EYA2: variants seen among roughly 807,000 people sequenced by gnomAD.
EYA2 encodes EYA transcriptional coactivator and phosphatase 2, also known as protein phosphatase EYA2.
EYA2 carries 31 observed loss-of-function variants against 69.2 expected under a neutral mutation model. That is an observed-to-expected ratio of 0.45 (90% CI 0.34 to 0.60). The LOEUF (loss-of-function observed/expected upper bound fraction) is 0.60, where lower values mean the gene tolerates loss of function less well. Among genes scored for constraint, EYA2 ranks in the 20% least tolerant of loss-of-function variants. The probability of loss-of-function intolerance (pLI) is 0.02; values close to 1 mark genes in which losing one functional copy is unlikely to be tolerated. For synonymous variants in EYA2, 257 were observed against 279.4 expected (o/e 0.92, Z 0.80); for missense variants, 622 against 701.2 (o/e 0.89, Z 1.28).
intron 2 of EYA2, among the ~76,000 whole-genome samples, chr20:46,990,386 G>A (rs577352060): frequency 1.6e-4 from 24 of 152,280 alleles, no homozygotes; most frequent in Admixed American, 5.9e-4. Flanking sequence ...ACACCACCAC[G>A]GATGATAGTC....
intron 2 of EYA2, among the ~76,000 whole-genome samples, chr20:46,991,988 G>C (rs1169037329): frequency 5.9e-4 from 36 of 60,876 alleles, no homozygotes; most frequent in Non-Finnish European, 8.4e-4. Context: ...AAAAAAAAAC[G>C]CTGAAAGCTT....
At chr20:46,957,529 TCACACACACACACA>T (rs74176892) in intron 1 of EYA2, among the ~76,000 whole-genome samples, 13 of 20,000 alleles carry the variant, frequency 6.5e-4, no homozygotes, top group Admixed American at 2.5e-3. Context: ...GAAGGAGATT[TCACACACACACACA>T]CACACACACA....
intron 9 of EYA2, among the ~76,000 whole-genome samples, chr20:47,099,967 A>G (rs1473148005): frequency 6.6e-6 from 1 of 151,972 alleles, no homozygotes; most frequent in Non-Finnish European, 1.5e-5. Context: ...AATCAGGGTG[A>G]TCCCCTAGAA....
Position 47,039,418 on chromosome 20 carries a change from T to C in EYA2, c.415+23121T>C, listed in dbSNP as rs918175996. Among the ~76,000 whole-genome samples the C allele has an allele frequency of 3.3e-5, 5 of 152,234 alleles. No homozygotes were observed. In the East Asian group the frequency reaches 5.8e-4, roughly 18 times the overall value. Reference sequence around the variant, plus strand: ...TGTCTATTGTCTGTGGCTACTTTCCTATCACAAAGGCAGAACTGGGTCATT... The same window carrying C: ...TGTCTATTGTCTGTGGCTACTTTCCCATCACAAAGGCAGAACTGGGTCATT... On this transcript the variant is annotated intron_variant, in intron 5 of 15. Transcript: ENST00000327619.
At chr20:46,988,989 A>G (rs1981470605) in intron 1 of EYA2, among the ~76,000 whole-genome samples, 1 of 152,022 alleles carries the variant, frequency 6.6e-6, no homozygotes, top group African/African-American at 2.4e-5. Flanking sequence ...TGAAGGTGTG[A>G]GCCACCATGC....
intron 5 of EYA2, among the ~76,000 whole-genome samples, chr20:47,039,176 A>G (rs1284975990): frequency 6.6e-6 from 1 of 152,088 alleles, no homozygotes; most frequent in Non-Finnish European, 1.5e-5. Context: ...ATTTTGACCT[A>G]GACCAGGTGT....
At chr20:46,968,548 C>T (rs1979931561) in intron 1 of EYA2, among the ~76,000 whole-genome samples, 1 of 152,182 alleles carries the variant, frequency 6.6e-6, no homozygotes, top group Admixed American at 6.5e-5. Flanking sequence ...GCTCATTCCC[C>T]TCCCCTTCAC....
At chr20:47,064,354 C>T (rs2031026594) in intron 5 of EYA2, among the ~76,000 whole-genome samples, 1 of 152,224 alleles carries the variant, frequency 6.6e-6, no homozygotes, top group African/African-American at 2.4e-5. Flanking sequence ...CATTGTATGG[C>T]TGAACCACAT....
intron 1 of EYA2, among the ~76,000 whole-genome samples, chr20:46,924,224 C>T (rs762875291): frequency 7.9e-5 from 12 of 152,070 alleles, no homozygotes; most frequent in Non-Finnish European, 1.6e-4. Context: ...TGACAGTGCA[C>T]GGTATGGGTG....
chr20:47,081,796 AGAAAG>A (rs2031730269), intron 7 of EYA2, among the ~76,000 whole-genome samples: 1 of 149,722 alleles, frequency 6.7e-6, no homozygotes, highest in Non-Finnish European at 1.5e-5. Flanking sequence ...AAAAAAAAGA[AGAAAG>A]AAAAAAAGAG....
At chr20:47,022,822 T>C (rs944638774) in intron 5 of EYA2, among the ~76,000 whole-genome samples, 19 of 150,476 alleles carry the variant, frequency 1.3e-4, no homozygotes, top group African/African-American at 4.6e-4. Context: ...GCCCAGCTAA[T>C]TTTGTTTATT....
chr20:46,941,518 G>A (rs949492798), intron 1 of EYA2, among the ~76,000 whole-genome samples: 1 of 152,208 alleles, frequency 6.6e-6, no homozygotes, highest in African/African-American at 2.4e-5. Context: ...TATGTGTAAA[G>A]TGCCTGGACT....
At chr20:47,147,501 G>A (rs759510131) in intron 10 of EYA2, among the ~76,000 whole-genome samples, 1 of 152,194 alleles carries the variant, frequency 6.6e-6, no homozygotes, top group Non-Finnish European at 1.5e-5. Flanking sequence ...GAGGAAACCA[G>A]CAAGACTGAA....
chr20:47,070,962 C>T (rs1361431079), intron 5 of EYA2, among the ~76,000 whole-genome samples: 1 of 152,162 alleles, frequency 6.6e-6, no homozygotes, highest in African/African-American at 2.4e-5. Context: ...AATCCCCCCG[C>T]CTCAGCCTCC....
At chr20:47,108,918 G>C (rs1221662063) in intron 9 of EYA2, among the ~76,000 whole-genome samples, 1 of 152,014 alleles carries the variant, frequency 6.6e-6, no homozygotes, top group Non-Finnish European at 1.5e-5. Flanking sequence ...AAAGTGGCCA[G>C]GTTGGAATCC....
chr20:47,073,467 C>CGGTCTTCTAGGTTTGTGTGTGT (rs1568760398), intron 6 of EYA2, among the ~76,000 whole-genome samples: 1 of 149,964 alleles, frequency 6.7e-6, no homozygotes, highest in African/African-American at 2.5e-5. Flanking sequence ...GGTGTGTGTG[C>CGGTCTTCTAGGTTTGTGTGTGT]GGTCTTCTAG....
At chr20:46,962,224 G>C (rs1398513120) in intron 1 of EYA2, among the ~76,000 whole-genome samples, 1 of 152,074 alleles carries the variant, frequency 6.6e-6, no homozygotes, top group African/African-American at 2.4e-5. Context: ...ATGGGGTCTT[G>C]CTATGTTGCC....
chr20:47,008,922 A>G (rs1263225242), intron 4 of EYA2, among the ~76,000 whole-genome samples: 1 of 152,228 alleles, frequency 6.6e-6, no homozygotes, highest in Non-Finnish European at 1.5e-5. Context: ...CCCAGGTGGT[A>G]AATACTTTCT....
At chr20:46,931,406 G>A (rs772407038) in intron 1 of EYA2, among the ~76,000 whole-genome samples, 9 of 152,098 alleles carry the variant, frequency 5.9e-5, no homozygotes, top group Non-Finnish European at 1.2e-4. Flanking sequence ...GTACGCTGGC[G>A]ACATGGCACA....
Sources: allele counts gnomAD v4.1 joint callset (sites outside exome capture counted in the v4.1 genomes callset), GRCh38; gene constraint gnomAD v4.1.1; transcripts MANE v1.5; gene names NCBI Gene and HGNC (gene_info 2026-07-23, HGNC 2026-07-21).